Variants in EDA observed in about 807,000 individuals in gnomAD.
EDA encodes the protein ectodysplasin A, also known as ectodysplasin-A.
In EDA, 2 loss-of-function variants were observed where a neutral mutation model predicts 23.6. The ratio of observed to expected loss-of-function variants is 0.08; its 90% CI spans 0.03 to 0.27. The LOEUF (loss-of-function observed/expected upper bound fraction) is 0.27, where lower values mean the gene tolerates loss of function less well. Ranked by LOEUF, EDA falls within the 10% of genes least tolerant of loss-of-function variation. The pLI is 1.00. For synonymous variants in EDA, 131 were observed against 132.0 expected (o/e 0.99, Z 0.05); for missense variants, 229 against 324.2 (o/e 0.71, Z 2.26).
At chrX:70,008,178 C>T (rs1342849596) in intron 2 of EDA, among the ~76,000 whole-genome samples, 1 of 112,011 alleles carries the variant, frequency 8.9e-6, no homozygotes, top group Non-Finnish European at 1.9e-5. Flanking sequence ...ATGGGAACAT[C>T]CTTGCCTTGT....
chrX:69,831,140 G>A (rs1298234030), intron 1 of EDA, among the ~76,000 whole-genome samples: 1 of 111,124 alleles, frequency 9.0e-6, no homozygotes, highest in Admixed American at 9.6e-5. Context: ...AAGTATACTT[G>A]TGCCATCTTG....
chrX:69,894,613 A>G (rs1007560704), intron 1 of EDA, among the ~76,000 whole-genome samples: 2 of 111,000 alleles, frequency 1.8e-5, no homozygotes, highest in Non-Finnish European at 3.8e-5. Context: ...CATTGTAGAG[A>G]TCTTTCACCT....
intron 1 of EDA, among the ~76,000 whole-genome samples, chrX:69,881,485 T>C (rs2017746052): frequency 9.0e-6 from 1 of 111,214 alleles, no homozygotes; most frequent in Non-Finnish European, 1.9e-5. Context: ...TGGTCACCAG[T>C]TCAGTCCTCA....
intron 2 of EDA, among the ~76,000 whole-genome samples, chrX:70,013,660 A>G (rs2019906984): frequency 9.0e-6 from 1 of 110,774 alleles, no homozygotes; most frequent in South Asian, 3.9e-4. Flanking sequence ...GCTCAGGCCC[A>G]TAGTGCAGCT....
At chrX:69,918,603 T>G (rs1238152012) in intron 1 of EDA, among the ~76,000 whole-genome samples, 1 of 112,387 alleles carries the variant, frequency 8.9e-6, no homozygotes, top group Non-Finnish European at 1.9e-5. Flanking sequence ...TTCACTCCTT[T>G]AGCAGTCAAG....
chrX:69,779,835 A>G (rs1226734401), intron 1 of EDA, among the ~76,000 whole-genome samples: 1 of 111,632 alleles, frequency 9.0e-6, no homozygotes, highest in Non-Finnish European at 1.9e-5. Flanking sequence ...GGAATACTGT[A>G]CATCTTCTAT....
At chrX:69,948,294 A>G (rs780967586) in intron 1 of EDA, among the ~76,000 whole-genome samples, 3 of 112,245 alleles carry the variant, frequency 2.7e-5, no homozygotes, top group Non-Finnish European at 3.8e-5. Flanking sequence ...AGTGATTTTT[A>G]AGTCAAACTG....
chrX:69,924,058 G>T (rs933917525), intron 1 of EDA, among the ~76,000 whole-genome samples: 7 of 111,233 alleles, frequency 6.3e-5, no homozygotes, highest in African/African-American at 2.3e-4. Context: ...GTAAATTCTG[G>T]ATATTAGACC....
chrX:69,946,495 T>C (rs1410702195), intron 1 of EDA, among the ~76,000 whole-genome samples: 1 of 112,073 alleles, frequency 8.9e-6, no homozygotes, highest in African/African-American at 3.2e-5. Flanking sequence ...TGAACTCTAG[T>C]CTACAATGTA....
chrX:69,895,658 A>G (rs1289700516), intron 1 of EDA, among the ~76,000 whole-genome samples: 1 of 111,837 alleles, frequency 8.9e-6, no homozygotes, highest in African/African-American at 3.2e-5. Context: ...ATTTCTCTTC[A>G]TTGTGCTCTA....
intron 2 of EDA, among the ~76,000 whole-genome samples, chrX:70,007,213 G>C (rs747235379): frequency 8.9e-6 from 1 of 111,844 alleles, no homozygotes; most frequent in East Asian, 2.8e-4. Context: ...TGGCTGTTCT[G>C]AGTCTTTTGC....
chrX:69,798,862 A>G (rs1343432151), intron 1 of EDA, among the ~76,000 whole-genome samples: 1 of 111,526 alleles, frequency 9.0e-6, no homozygotes, highest in African/African-American at 3.3e-5. Flanking sequence ...TAAAATTTAT[A>G]TGGAACCACA....
chrX:69,859,165 A>AT (rs1304701983), intron 1 of EDA, among the ~76,000 whole-genome samples: 6 of 109,652 alleles, frequency 5.5e-5, no homozygotes, highest in African/African-American at 2.0e-4. Context: ...TATTTAATTA[A>AT]TTTTTTCAAA....
intron 1 of EDA, among the ~76,000 whole-genome samples, chrX:69,927,970 G>A (rs1277935898): frequency 2.0e-4 from 22 of 111,277 alleles, no homozygotes; most frequent in South Asian, 1.1e-3. Context: ...TGTTAGGGGG[G>A]AAGAATACAA....
chrX:70,030,415 G>A, intron 5 of EDA, 54 bp from the exon 6 acceptor site: 1 of 1,080,934 alleles, frequency 9.3e-7, no homozygotes, highest in Non-Finnish European at 1.3e-6. Flanking sequence ...ACTGGTGGCT[G>A]AGCAAGCAGC....
chrX:69,742,645 A>G (rs1026587311), intron 1 of EDA, among the ~76,000 whole-genome samples: 1 of 111,389 alleles, frequency 9.0e-6, no homozygotes. Flanking sequence ...CATTCCCCAT[A>G]TTGTTTTTCT....
intron 4 of EDA, 30 bp downstream of exon 4, chrX:70,028,066 G>A: frequency 8.4e-7 from 1 of 1,192,894 alleles, no homozygotes; most frequent in South Asian, 1.8e-5. Flanking sequence ...CACCCCACCA[G>A]GTGCCTTTAA....
chrX:69,624,700 GT>G (rs972705584), intron 1 of EDA, among the ~76,000 whole-genome samples: 3 of 107,236 alleles, frequency 2.8e-5, no homozygotes, highest in African/African-American at 6.8e-5. Flanking sequence ...CAAAGCTTGG[GT>G]TTTTTTTTCC....
At chrX:69,684,006 A>G (rs1336755553) in intron 1 of EDA, among the ~76,000 whole-genome samples, 1 of 112,244 alleles carries the variant, frequency 8.9e-6, no homozygotes, top group Non-Finnish European at 1.9e-5. Context: ...ATATAGCAAT[A>G]TACAGCTGGA....
Sources: allele counts gnomAD v4.1 joint callset (sites outside exome capture counted in the v4.1 genomes callset), GRCh38; gene constraint gnomAD v4.1.1; transcripts MANE v1.5; gene names NCBI Gene and HGNC (gene_info 2026-07-23, HGNC 2026-07-21).